Variants in TENM3 observed in about 807,000 individuals in gnomAD.
TENM3 encodes teneurin transmembrane protein 3.
A neutral mutation model predicts 255.1 loss-of-function variants in TENM3; 63 were observed. That is an observed-to-expected ratio of 0.25 (90% confidence interval 0.20 to 0.30). The LOEUF is 0.30. Ranked by LOEUF, TENM3 falls within the 10% of genes least tolerant of loss-of-function variation. The pLI is 1.00. For missense variants in TENM3, 2,929 were observed against 3,461.1 expected, an observed-to-expected ratio of 0.85 and a Z score of 3.86; for synonymous variants, 1,306 against 1,322.3, an observed-to-expected ratio of 0.99 and a Z score of 0.27.
the TENM3 span, among the ~76,000 whole-genome samples, chr4:181,545,063 T>C: frequency 6.6e-6 from 1 of 152,206 alleles, no homozygotes; most frequent in Admixed American, 6.5e-5. Context: ...TGATAGTTTC[T>C]TAGGTGAACT....
At chr4:182,190,197 CCTTACACATGAA>C (rs2149784165) in intron 1 of TENM3, 1 of 151,832 alleles carries the variant, frequency 6.6e-6, no homozygotes, top group East Asian at 1.9e-4. Flanking sequence ...CTTTTTTTGC[CCTTACACATGAA>C]ATTCTAGATC....
chr4:181,835,517 A>G, the TENM3 span, among the ~76,000 whole-genome samples: 1 of 152,240 alleles, frequency 6.6e-6, no homozygotes, highest in African/African-American at 2.4e-5. Context: ...TCACAAAAAG[A>G]CAACTTACCG....
chr4:181,656,932 C>T, the TENM3 span, among the ~76,000 whole-genome samples: 2 of 152,204 alleles, frequency 1.3e-5, no homozygotes, highest in East Asian at 1.9e-4. Context: ...AACACAATGA[C>T]GTAATGTTTC....
At chr4:181,509,207 T>A in the TENM3 span, among the ~76,000 whole-genome samples, 2 of 152,214 alleles carry the variant, frequency 1.3e-5, no homozygotes, top group South Asian at 4.1e-4. Flanking sequence ...TAGGCAACAC[T>A]TCTTTATTTA....
chr4:182,495,238 G>C (rs73001402), intron 3 of TENM3, among the ~76,000 whole-genome samples: 69 of 152,322 alleles, frequency 4.5e-4, no homozygotes, highest in African/African-American at 1.6e-3. Context: ...GAAGCTGCAA[G>C]TGGCAGCATT....
chr4:181,665,549 T>A, the TENM3 span, among the ~76,000 whole-genome samples: 1 of 152,166 alleles, frequency 6.6e-6, no homozygotes, highest in Non-Finnish European at 1.5e-5. Flanking sequence ...GTATATACTT[T>A]TTCATACATA....
At chr4:181,886,989 C>T in the TENM3 span, among the ~76,000 whole-genome samples, 11 of 152,114 alleles carry the variant, frequency 7.2e-5, no homozygotes, top group Non-Finnish European at 1.6e-4. Context: ...AAAATAGCTA[C>T]CTTGACGAAA....
Position 182,743,189 on chromosome 4 carries a change from C to T in TENM3, c.3399C>T (p.Asn1133=), listed in dbSNP as rs767014019. ...DVQNGILYKG[N]GENQFISQQP... ...TTCTAGGTATACTGTACAAGGGAAACGGGGAAAACCAGTTCATCTCCCAGC... is the reference window on the plus strand; with the variant it reads ...TTCTAGGTATACTGTACAAGGGAAATGGGGAAAACCAGTTCATCTCCCAGC... The change falls in exon 19 of 28, where the codon AAC becomes AAT. Residue 1133 remains asparagine, a synonymous_variant. Transcript: ENST00000511685. 3.2e-5 allele frequency: 51 copies of T among 1,612,636 alleles called. No individual in the cohort carries two copies. Among genetic ancestry groups the T allele is most frequent in the Non-Finnish European group, 3.8e-5 (45 of 1,178,872 alleles).
At chr4:181,664,481 A>AAC in the TENM3 span, among the ~76,000 whole-genome samples, 876 of 128,426 alleles carry the variant, frequency 6.8e-3, 7 homozygotes, top group African/African-American at 0.024. Flanking sequence ...AAAAATAAAA[A>AAC]AAAACAAAAC....
At chr4:182,203,202 G>A (rs920067683) in intron 1 of TENM3, among the ~76,000 whole-genome samples, 134 of 151,680 alleles carry the variant, frequency 8.8e-4, no homozygotes, top group African/African-American at 3.1e-3. Context: ...GGGCAACAAG[G>A]GTGAAACTCC....
At chr4:182,169,522 C>T (rs1326044976) in intron 1 of TENM3, 1 of 279,908 alleles carries the variant, frequency 3.6e-6, no homozygotes, top group Non-Finnish European at 7.0e-6. Flanking sequence ...GAGAATTTAT[C>T]TTATATTTAT....
intron 3 of TENM3, among the ~76,000 whole-genome samples, chr4:182,458,000 T>G (rs1345412846): frequency 2.0e-5 from 3 of 152,258 alleles, no homozygotes; most frequent in Non-Finnish European, 2.9e-5. Flanking sequence ...TCTATAACTT[T>G]TCATAAACGT....
At position 182,556,765 on chromosome 4, in the gene TENM3, T is replaced by C. The variant is rs116243015; in HGVS notation, c.512-44159T>C. Among the ~76,000 whole-genome samples the C allele has an allele frequency of 5.5e-3, 836 of 152,272 alleles. 4 individuals are homozygous for C. The highest frequency in any genetic ancestry group is 0.019 in the African/African-American group (797 of 41,566). ...GACGATGACCCACTCCTACGTAGACTGAAGTGCTGGCATATCAACCCCATG... is the reference window on the plus strand; with the variant it reads ...GACGATGACCCACTCCTACGTAGACCGAAGTGCTGGCATATCAACCCCATG... On this transcript the variant is annotated intron_variant, in intron 3 of 27. Coordinates refer to ENST00000511685, the MANE Select transcript of TENM3 (RefSeq NM_001080477.4).
the TENM3 span, among the ~76,000 whole-genome samples, chr4:182,134,931 G>A: frequency 6.6e-6 from 1 of 152,170 alleles, no homozygotes; most frequent in South Asian, 2.1e-4. Flanking sequence ...AGTTTGGCCA[G>A]GTGCAGTGGC....
chr4:181,896,127 T>G, the TENM3 span, among the ~76,000 whole-genome samples: 1 of 152,154 alleles, frequency 6.6e-6, no homozygotes, highest in African/African-American at 2.4e-5. Context: ...AAGTTCTGAA[T>G]CAAGGGAAAG....
At chr4:182,657,384 G>A (rs892788547) in intron 6 of TENM3, among the ~76,000 whole-genome samples, 9 of 151,968 alleles carry the variant, frequency 5.9e-5, no homozygotes, top group Non-Finnish European at 1.0e-4. Context: ...AACTTGCAAG[G>A]GGAGCTCTCA....
At chr4:181,803,550 A>G in the TENM3 span, among the ~76,000 whole-genome samples, 888 of 152,296 alleles carry the variant, frequency 5.8e-3, 9 homozygotes, top group African/African-American at 0.02. Context: ...GTTAAACTCA[A>G]TAAGACTTTC....
intron 1 of TENM3, among the ~76,000 whole-genome samples, chr4:182,247,006 G>C (rs1215658315): frequency 6.6e-6 from 1 of 152,196 alleles, no homozygotes; most frequent in African/African-American, 2.4e-5. Flanking sequence ...AGGATGAGAC[G>C]GAACCAGCCG....
chr4:181,983,183 T>G, the TENM3 span, among the ~76,000 whole-genome samples: 1 of 152,160 alleles, frequency 6.6e-6, no homozygotes, highest in Non-Finnish European at 1.5e-5. Flanking sequence ...ACCGCTCAAG[T>G]GTCAACAGAA....
Sources: gnomAD v4.1 joint callset for allele counts (sites outside exome capture counted in the v4.1 genomes callset) on GRCh38, gnomAD v4.1.1 for gene constraint, MANE v1.5 for transcripts, NCBI Gene and HGNC (gene_info 2026-07-23, HGNC 2026-07-21) for gene names.